Variants in PRKAG2 observed in about 807,000 individuals in gnomAD.
The protein encoded by PRKAG2 is 5'-AMP-activated protein kinase subunit gamma-2.
PRKAG2 carries 26 observed loss-of-function variants against 69.6 expected under a neutral mutation model. That is an observed-to-expected ratio of 0.37 (90% CI 0.27 to 0.52). PRKAG2 has a LOEUF of 0.52. Among genes scored for constraint, PRKAG2 ranks in the 20% least tolerant of loss-of-function variants. PRKAG2 has a pLI of 0.90. For missense variants in PRKAG2, 557 were observed against 740.0 expected, an observed-to-expected ratio of 0.75 and a Z score of 2.87; for synonymous variants, 293 against 285.0, an observed-to-expected ratio of 1.03 and a Z score of -0.28.
intron 1 of PRKAG2, among the ~76,000 whole-genome samples, chr7:151,798,417 C>T (rs571417980): frequency 2.8e-4 from 43 of 152,056 alleles, no homozygotes; most frequent in African/African-American, 9.2e-4. Flanking sequence ...CGGGTTCAAG[C>T]GATTCTCATG....
intron 4 of PRKAG2, among the ~76,000 whole-genome samples, chr7:151,662,157 G>C (rs1444207504): frequency 6.6e-6 from 1 of 152,228 alleles, no homozygotes; most frequent in Non-Finnish European, 1.5e-5. Context: ...GGTAGAAAGT[G>C]TTCAGAGTCT....
chr7:151,742,652 A>G (rs972089776), intron 3 of PRKAG2, among the ~76,000 whole-genome samples: 2 of 152,086 alleles, frequency 1.3e-5, no homozygotes, highest in African/African-American at 4.8e-5. Context: ...AAATAAAATA[A>G]AAAGTCCTTA....
intron 3 of PRKAG2, among the ~76,000 whole-genome samples, chr7:151,702,508 G>C (rs1011921429): frequency 6.6e-6 from 1 of 152,166 alleles, no homozygotes; most frequent in Non-Finnish European, 1.5e-5. Flanking sequence ...CTGCCCACCC[G>C]CTTGCCTTCC....
chr7:151,782,911 CTCG>C lies in PRKAG2; in HGVS notation c.187-1483_187-1481del, dbSNP rs2076794536. Among the ~76,000 whole-genome samples, 4 of 152,356 alleles carry C rather than the reference CTCG, an allele frequency of 2.6e-5. 1 individual carries two copies. The Middle Eastern group carries it at 0.01, about 389-fold the overall frequency. The stretch of plus-strand genomic sequence containing the variant: ...GTTCAGAAGCAAGAAGGGCGAGTAA[CTCG>C]TCCGCAGCGCTCGCGGGGAGCCAGG... On this transcript the variant is annotated intron_variant, in intron 2 of 15. Transcript: ENST00000287878.
chr7:151,632,431 G>A lies in PRKAG2; in HGVS notation c.685-293C>T, dbSNP rs1406472843. The A allele has an allele frequency of 1.1e-5, 6 of 558,922 alleles. No individual in the cohort carries two copies. The East Asian group carries it at 7.2e-4, about 68-fold the overall frequency. The allele number at this position is 558,922 out of a possible 1,614,324, so 34.6% of individuals were successfully genotyped here. A position where few individuals can be genotyped will look rare whatever the true frequency, so the allele number is the denominator to read the frequency against. On this transcript the variant is annotated intron_variant, in intron 4 of 15. Transcript: ENST00000287878. The surrounding 1 kb of genome is among the most constrained non-coding windows in gnomAD (Gnocchi z 4.2). The stretch of plus-strand genomic sequence containing the variant: ...TACGGCCCGCCCGGGAGGAAGCGTG[G>A]GAAGGGACCCGGGAGCTCGAGGGCG...
At chr7:151,711,850 C>A (rs1440629179) in intron 3 of PRKAG2, among the ~76,000 whole-genome samples, 2 of 152,242 alleles carry the variant, frequency 1.3e-5, no homozygotes, top group Non-Finnish European at 2.9e-5. Context: ...ATTTAGAAAT[C>A]TTTGGACCCC....
intron 1 of PRKAG2, among the ~76,000 whole-genome samples, chr7:151,790,888 TG>T (rs1348200703): frequency 6.6e-6 from 1 of 152,164 alleles, no homozygotes; most frequent in Non-Finnish European, 1.5e-5. Context: ...CACGTCAAGA[TG>T]GTGTAAAAGA....
intron 3 of PRKAG2, among the ~76,000 whole-genome samples, chr7:151,709,264 A>G (rs1399074417): frequency 6.6e-6 from 1 of 151,720 alleles, no homozygotes; most frequent in East Asian, 1.9e-4. Context: ...AATGTGTGAC[A>G]TTGTGTGACG....
rs74826364 is a variant in PRKAG2 at position 151,864,738 on chromosome 7, G to A, written c.114+11769C>T. Among the ~76,000 whole-genome samples, 636 of 152,188 alleles carry A rather than the reference G, an allele frequency of 4.2e-3. 32 individuals carry two copies. The East Asian group carries it at 0.093, about 22-fold the overall frequency. On this transcript the variant is annotated intron_variant, in intron 1 of 15. Coordinates refer to ENST00000287878, the MANE Select transcript of PRKAG2 (RefSeq NM_016203.4). ...CATCTTCAGTGGTGCAAATGGGAGG[G>A]CTCAGGTGACACTCTTAAAAGTCCA...
chr7:151,708,348 C>G (rs896897252), intron 3 of PRKAG2, among the ~76,000 whole-genome samples: 1 of 152,192 alleles, frequency 6.6e-6, no homozygotes, highest in Non-Finnish European at 1.5e-5. Context: ...TCAGAATGAT[C>G]GTCCAGTGGG....
chr7:151,800,883 G>A (rs1368405186), intron 1 of PRKAG2, among the ~76,000 whole-genome samples: 3 of 152,194 alleles, frequency 2.0e-5, no homozygotes, highest in Non-Finnish European at 4.4e-5. Flanking sequence ...GGTAACAGAG[G>A]TGCCACAGTA....
chr7:151,708,877 C>T (rs775375016), intron 3 of PRKAG2, among the ~76,000 whole-genome samples: 4 of 152,130 alleles, frequency 2.6e-5, no homozygotes, highest in Non-Finnish European at 5.9e-5. Flanking sequence ...AGGTTCAGCT[C>T]GGGGCACCCA....
intron 3 of PRKAG2, among the ~76,000 whole-genome samples, chr7:151,740,747 G>A (rs2073824249): frequency 6.6e-6 from 1 of 152,228 alleles, no homozygotes; most frequent in South Asian, 2.1e-4. Flanking sequence ...GAAGGCCCGT[G>A]TGGCCCTGCC....
intron 1 of PRKAG2, among the ~76,000 whole-genome samples, chr7:151,802,995 T>A (rs1270771109): frequency 1.3e-5 from 2 of 151,722 alleles, no homozygotes; most frequent in African/African-American, 2.4e-5. Flanking sequence ...TCTCGCTCTG[T>A]TGCTCAGGCT....
intron 1 of PRKAG2, among the ~76,000 whole-genome samples, chr7:151,833,402 C>A (rs1240125784): frequency 6.6e-6 from 1 of 152,182 alleles, no homozygotes; most frequent in Non-Finnish European, 1.5e-5. Flanking sequence ...AAGGCTGTTC[C>A]AGCTGCTGAG....
chr7:151,657,510 G>A (rs977694972), intron 4 of PRKAG2, among the ~76,000 whole-genome samples: 1 of 152,134 alleles, frequency 6.6e-6, no homozygotes, highest in African/African-American at 2.4e-5. Context: ...GGATTCCAAA[G>A]GTAGGTCTCA....
chr7:151,626,639 A>G (rs746904624), intron 5 of PRKAG2, among the ~76,000 whole-genome samples: 2 of 150,018 alleles, frequency 1.3e-5, no homozygotes, highest in Non-Finnish European at 2.9e-5. Context: ...GCCCCGCAGT[A>G]GAGTCAAGAA....
chr7:151,681,022 G>T (rs907850595), intron 3 of PRKAG2, among the ~76,000 whole-genome samples: 1 of 152,202 alleles, frequency 6.6e-6, no homozygotes, highest in Non-Finnish European at 1.5e-5. Flanking sequence ...AGTTTAAAGA[G>T]AATGCAACTG....
chr7:151,748,404 AAG>A (rs2074433831), intron 3 of PRKAG2, among the ~76,000 whole-genome samples: 1 of 152,204 alleles, frequency 6.6e-6, no homozygotes, highest in Non-Finnish European at 1.5e-5. Flanking sequence ...ATTTTTTTAA[AAG>A]AGAGCAGAGG....
Sources: allele counts gnomAD v4.1 joint callset (sites outside exome capture counted in the v4.1 genomes callset), GRCh38; gene constraint gnomAD v4.1.1; non-coding constraint Gnocchi (gnomAD v3.1); transcripts MANE v1.5; gene names NCBI Gene and HGNC (gene_info 2026-07-23, HGNC 2026-07-21).